Variants in INPP5K observed in about 807,000 individuals in gnomAD.
The protein encoded by INPP5K is inositol polyphosphate 5-phosphatase K.
Under a neutral mutation model 53.5 loss-of-function variants are expected in INPP5K, and 35 were observed. The observed-to-expected ratio is 0.65, with a 90% CI of 0.50 to 0.87. The LOEUF (loss-of-function observed/expected upper bound fraction) is 0.87. Among genes scored for constraint, INPP5K ranks in the 40% least tolerant of loss-of-function variants. INPP5K has a pLI of 0.00. For missense variants in INPP5K, 550 were observed against 586.2 expected, an observed-to-expected ratio of 0.94 and a Z score of 0.64; for synonymous variants, 253 against 232.8, an observed-to-expected ratio of 1.09 and a Z score of -0.79.
At chr17:1,515,271 G>A (rs79951144) in intron 1 of INPP5K, among the ~76,000 whole-genome samples, 7,801 of 152,238 alleles carry the variant, frequency 0.051, 242 homozygotes, top group Non-Finnish European at 0.074. Flanking sequence ...CTATGTCTGC[G>A]TAGTATTCCG....
intron 5 of INPP5K, among the ~76,000 whole-genome samples, chr17:1,508,751 G>C (rs1006648996): frequency 6.9e-6 from 1 of 144,506 alleles, no homozygotes; most frequent in African/African-American, 2.6e-5. Context: ...AGAGGGCGGG[G>C]AACAGTCTGC....
intron 7 of INPP5K, among the ~76,000 whole-genome samples, chr17:1,502,252 G>C (rs139036689): frequency 6.6e-6 from 1 of 152,230 alleles, no homozygotes; most frequent in Admixed American, 6.5e-5. Flanking sequence ...AGGAGGCTGA[G>C]GCAAGAGAAT....
chr17:1,509,574 T>C (rs1054887971), intron 4 of INPP5K, 109 bp downstream of exon 4: 17 of 917,398 alleles, frequency 1.9e-5, no homozygotes, highest in African/African-American at 1.2e-4. Context: ...CAAACATGCA[T>C]TGGGCTGGAC....
Position 1,509,228 on chromosome 17 carries a change from C to T in INPP5K, c.504G>A (p.Leu168=), listed in dbSNP as rs1598385369. 6.2e-7 allele frequency: 1 copy of T among 1,614,042 alleles called. No individual in the cohort carries two copies. Among genetic ancestry groups the T allele is most frequent in the Non-Finnish European group, 8.5e-7 (1 of 1,180,006 alleles). The change falls in exon 5 of 12, where the codon CTG becomes CTA. Residue 168 remains leucine, a synonymous_variant. Coordinates refer to ENST00000421807, the MANE Select transcript of INPP5K (RefSeq NM_016532.4). ...YQRLEHFDRI[L]EMQNCEGRDI... ...CTCGCCCCTCACAATTCTGCATCTC[C>T]AGGATCCGGTCAAAGTGCTCCAGCC...
At chr17:1,514,112 C>T (rs1262243071) in intron 1 of INPP5K, 133 bp from the exon 2 acceptor site, 10 of 481,774 alleles carry the variant, frequency 2.1e-5, no homozygotes, top group African/African-American at 8.0e-5. Flanking sequence ...CACCTGAGGT[C>T]GGGAGTTCGA....
chr17:1,514,013 A>AAGG, intron 1 of INPP5K, 34 bp from the exon 2 acceptor site: 1 of 1,493,674 alleles, frequency 6.7e-7, no homozygotes, highest in Non-Finnish European at 9.3e-7. Flanking sequence ...GTCATGGAGG[A>AAGG]AGGAGGATAA....
In INPP5K at chr17:1,516,557, C is replaced by T. The variant is rs1428884996; in HGVS notation, c.-58G>A. On this transcript the variant is annotated 5_prime_UTR_variant, in exon 1 of 12. Coordinates refer to ENST00000421807, the MANE Select transcript of INPP5K (RefSeq NM_016532.4). Reference sequence around the variant, plus strand: ...GGTTCGCGTCTCCCGGCCAGCGGGTCCCGGCCAGAGCAGCCCTGCGGGCGG... The same window carrying T: ...GGTTCGCGTCTCCCGGCCAGCGGGTTCCGGCCAGAGCAGCCCTGCGGGCGG... The T allele has an allele frequency of 1.6e-5, 24 of 1,511,690 alleles. No homozygotes were observed. In the South Asian group the frequency reaches 2.7e-4, roughly 17 times the overall value. The allele number at this position is 1,511,690 out of a possible 1,614,324, so 93.6% of individuals were successfully genotyped here. A position where few individuals can be genotyped will look rare whatever the true frequency, so the allele number is the denominator to read the frequency against.
chr17:1,508,593 G>A (rs1474520012), intron 5 of INPP5K: 6 of 306,148 alleles, frequency 2.0e-5, no homozygotes, highest in Non-Finnish European at 3.7e-5. Context: ...CGGGCTGGAG[G>A]AAGGGGACCC....
intron 7 of INPP5K, among the ~76,000 whole-genome samples, chr17:1,502,334 G>A (rs1267130802): frequency 6.6e-6 from 1 of 152,154 alleles, no homozygotes; most frequent in African/African-American, 2.4e-5. Context: ...GGGCGACAGA[G>A]CGAGACTCCG....
Position 1,508,215 on chromosome 17 carries a change from C to A in INPP5K, c.566G>T (p.Trp189Leu). The change falls in exon 6 of 12, where the codon TGG becomes TTG. Residue 189 changes from tryptophan (W) to leucine (L), a missense_variant. By Grantham distance (61) the Trp-to-Leu change is moderately conservative. Coordinates refer to ENST00000421807, the MANE Select transcript of INPP5K (RefSeq NM_016532.4). ...GATCCGAAAGTTCATGTCTCCAAAC[C>A]AGATAATGAGGCTTCAGAAAAAAAG... is the stretch of plus-strand genomic sequence containing the variant. ...PNILDHDLII[W>L]FGDMNFRIED... 1 of 1,613,474 alleles carries A rather than the reference C, an allele frequency of 6.2e-7. No homozygotes were observed. The highest frequency in any genetic ancestry group is 8.5e-7 in the Non-Finnish European group (1 of 1,179,470).
Position 1,496,310 on chromosome 17 carries a change from G to C in INPP5K, c.1185+9C>G, listed in dbSNP as rs375291449. ...CCTGCTGGTGATGTACCTGGTGCTGGTGACGTACCTGGTTCAGGTTGTCGC... is the reference window on the plus strand; with the variant it reads ...CCTGCTGGTGATGTACCTGGTGCTGCTGACGTACCTGGTTCAGGTTGTCGC... On this transcript the variant is annotated intron_variant, in intron 10 of 11. Coordinates refer to ENST00000421807, the MANE Select transcript of INPP5K (RefSeq NM_016532.4). The C allele has an allele frequency of 2.0e-5, 31 of 1,556,128 alleles. No homozygotes were observed. The African/African-American group carries it at 3.5e-4, about 18-fold the overall frequency.
At position 1,496,767 on chromosome 17, in the gene INPP5K, T is replaced by A. The variant is rs1174167021; in HGVS notation, c.1000A>T (p.Met334Leu). The change falls in exon 9 of 12, where the codon ATG becomes TTG. Residue 334 changes from methionine to leucine, a missense_variant. Met to Leu is a conservative substitution (Grantham distance 15, BLOSUM62 2). Coordinates refer to ENST00000421807, the MANE Select transcript of INPP5K (RefSeq NM_016532.4). ...PLVSAPLIVLMPEDLWTVEND... is the reference protein window; with the variant it reads ...PLVSAPLIVLLPEDLWTVEND... ...TCCACGGTCCACAGGTCCTCGGGCA[T>A]CAGGACGATCAGCGGAGCAGACACC... The A allele has an allele frequency of 6.2e-7, 1 of 1,614,158 alleles. No individual in the cohort carries two copies. Among genetic ancestry groups the A allele is most frequent in the South Asian group, 1.1e-5 (1 of 91,082 alleles).
intron 3 of INPP5K, among the ~76,000 whole-genome samples, chr17:1,511,064 C>G (rs965626025): frequency 1.3e-5 from 2 of 152,124 alleles, no homozygotes; most frequent in Non-Finnish European, 2.9e-5. Context: ...CCCCCCAAAC[C>G]CCATAACTAT....
At chr17:1,514,828 C>T (rs2075395780) in intron 1 of INPP5K, among the ~76,000 whole-genome samples, 1 of 151,988 alleles carries the variant, frequency 6.6e-6, no homozygotes, top group South Asian at 2.1e-4. Flanking sequence ...AAAGAGATAA[C>T]ACCACCATAT....
In INPP5K at chr17:1,495,731, G is replaced by C. The variant is rs992120546; in HGVS notation, c.*92C>G. The C allele has an allele frequency of 3.5e-6, 3 of 866,484 alleles. No homozygotes were observed. Among genetic ancestry groups the C allele is most frequent in the African/African-American group, 3.4e-5 (2 of 59,034 alleles). 53.7% of individuals were successfully genotyped at this position (866,484 alleles called of 1,614,324 possible). A position where few individuals can be genotyped will look rare whatever the true frequency, so the allele number is the denominator to read the frequency against. ...GACGACACTTGGCTGTCTCTTCAGG[G>C]GGCCAGGCTGGGCCCCCAGCACTCC... is the stretch of plus-strand genomic sequence containing the variant. On this transcript the variant is annotated 3_prime_UTR_variant, in exon 12 of 12. Coordinates refer to ENST00000421807, the MANE Select transcript of INPP5K (RefSeq NM_016532.4).
chr17:1,516,524 G>A lies in INPP5K; in HGVS notation c.-25C>T, dbSNP rs1394329886. The A allele has an allele frequency of 1.3e-6, 2 of 1,555,792 alleles. No homozygotes were observed. Among genetic ancestry groups the A allele is most frequent in the East Asian group, 2.4e-5 (1 of 41,054 alleles). On this transcript the variant is annotated 5_prime_UTR_variant, in exon 1 of 12. Transcript: ENST00000421807. ...TGGCCGCCGTCGTCCCCGCGCGGTG[G>A]TCCGGCAGGTTCGCGTCTCCCGGCC...
chr17:1,509,059 G>T, intron 5 of INPP5K, 119 bp downstream of exon 5: 1 of 921,584 alleles, frequency 1.1e-6, no homozygotes. Context: ...GCTCACTCGT[G>T]GGGGTCAGCG....
rs140440979 is a variant in INPP5K, at chr17:1,503,653, C to T, written c.776+3327G>A. Among the ~76,000 whole-genome samples the T allele has an allele frequency of 7.0e-3, 1,070 of 152,034 alleles. 18 individuals are homozygous for T. Among genetic ancestry groups the T allele is most frequent in the African/African-American group, 0.022 (925 of 41,476 alleles). On this transcript the variant is annotated intron_variant, in intron 7 of 11. Transcript: ENST00000421807. ...GAATCACTTGAGCCCAGGAGGCGGA[C>T]GTTGCAGTGAGCCAAGATCATGCCA... is the stretch of plus-strand genomic sequence containing the variant.
At chr17:1,496,917 G>T (rs1026671222) in intron 8 of INPP5K, 114 bp from the exon 9 acceptor site, 18 of 1,097,726 alleles carry the variant, frequency 1.6e-5, no homozygotes, top group Non-Finnish European at 2.2e-5. Context: ...GCACCCAGAG[G>T]GGGTGGGCAT....
Sources: allele counts gnomAD v4.1 joint callset (sites outside exome capture counted in the v4.1 genomes callset), GRCh38; gene constraint gnomAD v4.1.1; transcripts MANE v1.5; gene names NCBI Gene and HGNC (gene_info 2026-07-23, HGNC 2026-07-21).